CSPP1: variants seen among roughly 807,000 people sequenced by gnomAD.
CSPP1 encodes the protein centrosome and spindle pole-associated protein 1.
CSPP1 carries 126 observed loss-of-function variants against 164.4 expected under a neutral mutation model. The ratio of observed to expected loss-of-function variants is 0.77; its 90% confidence interval spans 0.66 to 0.89. The LOEUF (loss-of-function observed/expected upper bound fraction) is 0.89, where lower values mean the gene tolerates loss of function less well. Among genes scored for constraint, CSPP1 ranks in the 40% least tolerant of loss-of-function variants. The pLI, the probability that CSPP1 is intolerant of heterozygous loss-of-function variation, is 0.00. For synonymous variants in CSPP1, 472 were observed against 476.7 expected (o/e 0.99, Z 0.13); for missense variants, 1,395 against 1,449.8 (o/e 0.96, Z 0.61).
intron 25 of CSPP1, 46 bp from the exon 26 acceptor site, chr8:67,175,250 T>C: frequency 6.8e-7 from 1 of 1,467,082 alleles, no homozygotes; most frequent in Non-Finnish European, 9.4e-7. Context: ...AAATCCCATT[T>C]GAAAACAACA....
intron 24 of CSPP1, among the ~76,000 whole-genome samples, chr8:67,165,589 A>G (rs1321663510): frequency 1.3e-5 from 2 of 152,166 alleles, no homozygotes; most frequent in Non-Finnish European, 2.9e-5. Flanking sequence ...CTAGATGGGC[A>G]CTGGCCAGGT....
rs377552264 is a variant in CSPP1, at chr8:67,128,231, G to T, written c.1698-3720G>T. On this transcript the variant is annotated intron_variant, in intron 15 of 30. Coordinates refer to ENST00000678616, the MANE Select transcript of CSPP1 (RefSeq NM_001382391.1). ...AACTGTCTGATCTTTTTCAGCTTTG[G>T]TGATGGAATAAGTTAAGAATTTGTT... Among the ~76,000 whole-genome samples, 52 of 152,134 alleles carry T rather than the reference G, an allele frequency of 3.4e-4. No individual in the cohort carries two copies. In the East Asian group the frequency reaches 3.7e-3, roughly 11 times the overall value.
chr8:67,179,565 A>T (rs1832518653), intron 27 of CSPP1, among the ~76,000 whole-genome samples: 1 of 152,182 alleles, frequency 6.6e-6, no homozygotes, highest in African/African-American at 2.4e-5. Context: ...TGATCCTTTT[A>T]TTTGACTTCA....
chr8:67,100,978 T>C (rs1813963184), intron 7 of CSPP1, among the ~76,000 whole-genome samples: 1 of 152,074 alleles, frequency 6.6e-6, no homozygotes, highest in Admixed American at 6.6e-5. Flanking sequence ...AGTTATAATT[T>C]ATTACAGCAA....
intron 9 of CSPP1, among the ~76,000 whole-genome samples, chr8:67,107,606 G>A (rs979984535): frequency 6.6e-6 from 1 of 152,100 alleles, no homozygotes; most frequent in Non-Finnish European, 1.5e-5. Flanking sequence ...AACTATGTTT[G>A]TACATACCTA....
intron 1 of CSPP1, chr8:67,069,107 C>G (rs1806181963): frequency 1.3e-5 from 2 of 152,242 alleles, no homozygotes; most frequent in Admixed American, 1.3e-4. Context: ...TACCACGATA[C>G]CACAGGGTTC....
Position 67,161,800 on chromosome 8 carries a change from A to T in CSPP1, c.2539-11A>T. The T allele has an allele frequency of 6.3e-7, 1 of 1,587,330 alleles. No individual in the cohort carries two copies. Among genetic ancestry groups the T allele is most frequent in the Non-Finnish European group, 8.6e-7 (1 of 1,158,134 alleles). On this transcript the variant is annotated splice_polypyrimidine_tract_variant and intron_variant, in intron 21 of 30. Coordinates refer to ENST00000678616, the MANE Select transcript of CSPP1 (RefSeq NM_001382391.1). ...AAGCAAATATGCTCTTAAATTTTTT[A>T]AATTTTTCAGCACATGAGACAGCCT...
At chr8:67,116,442 TC>T (rs959263890) in intron 13 of CSPP1, among the ~76,000 whole-genome samples, 1 of 152,216 alleles carries the variant, frequency 6.6e-6, no homozygotes, top group Admixed American at 6.5e-5. Context: ...TACATTTTTT[TC>T]AATTTTGTTC....
chr8:67,079,233 C>T lies in CSPP1; in HGVS notation c.199+2652C>T, dbSNP rs144910063. On this transcript the variant is annotated intron_variant, in intron 3 of 30. Coordinates refer to ENST00000678616, the MANE Select transcript of CSPP1 (RefSeq NM_001382391.1). ...GTATCCCCAGTCCCAGGTTCTATTG[C>T]GAACTTGACCCATATGTCTGATTTT... 4.0e-3 allele frequency among the ~76,000 whole-genome samples: 614 copies of T among 152,222 alleles called. 1 individual carries two copies. The highest frequency in any genetic ancestry group is 8.9e-3 in the South Asian group (43 of 4,818).
intron 3 of CSPP1, chr8:67,083,902 C>T (rs771253488): frequency 2.0e-5 from 3 of 152,078 alleles, no homozygotes; most frequent in Admixed American, 6.6e-5. Context: ...ATTGTTCCCC[C>T]TCACCTTTTC....
chr8:67,189,592 CA>C lies in CSPP1; in HGVS notation c.3221-1056del, dbSNP rs781750896. ...ATCTGAATATCAATTATATGTTAAA[CA>C]ATGATAGTGTTGTATAAATGTTAAA... On this transcript the variant is annotated intron_variant, in intron 28 of 30. Coordinates refer to ENST00000678616, the MANE Select transcript of CSPP1 (RefSeq NM_001382391.1). Among the ~76,000 whole-genome samples, 6 of 152,212 alleles carry C rather than the reference CA, an allele frequency of 3.9e-5. No individual in the cohort carries two copies. The South Asian group carries it at 6.2e-4, about 16-fold the overall frequency.
At chr8:67,091,692 G>A in intron 4 of CSPP1, 111 bp from the exon 5 acceptor site, 2 of 305,874 alleles carry the variant, frequency 6.5e-6, no homozygotes, top group Non-Finnish European at 1.2e-5. Flanking sequence ...TCATTCATTT[G>A]CTCTGCATAA....
chr8:67,153,279 G>T (rs1038555406), intron 18 of CSPP1, among the ~76,000 whole-genome samples: 1 of 152,038 alleles, frequency 6.6e-6, no homozygotes, highest in African/African-American at 2.4e-5. Flanking sequence ...AATATAAAAA[G>T]TTATGTGAGG....
intron 24 of CSPP1, among the ~76,000 whole-genome samples, chr8:67,167,091 C>T (rs1202823518): frequency 2.0e-5 from 3 of 152,212 alleles, no homozygotes; most frequent in Non-Finnish European, 2.9e-5. Flanking sequence ...TTTCTTAGTA[C>T]AGAACAAAAT....
At chr8:67,103,830 A>G (rs927753981) in intron 8 of CSPP1, among the ~76,000 whole-genome samples, 3 of 118,924 alleles carry the variant, frequency 2.5e-5, no homozygotes, top group South Asian at 2.8e-4. Context: ...ACAGAGCAAG[A>G]CTCCCTCTCA....
At chr8:67,085,976 G>T (rs1237555199) in intron 3 of CSPP1, 31 bp from the exon 4 acceptor site, 1 of 909,962 alleles carries the variant, frequency 1.1e-6, no homozygotes, top group East Asian at 2.4e-5. Flanking sequence ...GTTTGAAAAT[G>T]AATTATACTA....
chr8:67,110,245 A>AT (rs1816573730), intron 9 of CSPP1, among the ~76,000 whole-genome samples: 1 of 151,018 alleles, frequency 6.6e-6, no homozygotes, highest in Admixed American at 6.6e-5. Flanking sequence ...TGCAGTCTGA[A>AT]TTTTTTCCCA....
At chr8:67,186,401 A>G (rs1834585462) in intron 28 of CSPP1, among the ~76,000 whole-genome samples, 1 of 142,934 alleles carries the variant, frequency 7.0e-6, no homozygotes, top group African/African-American at 2.8e-5. Flanking sequence ...TGTGAAATAA[A>G]CCTCACTGTT....
At chr8:67,159,941 C>T (rs200384832) in intron 21 of CSPP1, among the ~76,000 whole-genome samples, 1 of 64,930 alleles carries the variant, frequency 1.5e-5, no homozygotes, top group East Asian at 3.8e-4. Flanking sequence ...TTCCTTCCTT[C>T]CTTCCTTCCT....
Sources: gnomAD v4.1 joint callset for allele counts (sites outside exome capture counted in the v4.1 genomes callset) on GRCh38, gnomAD v4.1.1 for gene constraint, MANE v1.5 for transcripts, NCBI Gene and HGNC (gene_info 2026-07-23, HGNC 2026-07-21) for gene names.